The following CTNNA3 variants were observed in gnomAD, a reference collection of about 807,000 sequenced individuals.
CTNNA3 encodes catenin alpha 3, also known as catenin alpha-3.
In CTNNA3, 76 loss-of-function variants were observed where a neutral mutation model predicts 95.7. The ratio of observed to expected loss-of-function variants is 0.79; its 90% CI spans 0.66 to 0.96. CTNNA3 has a LOEUF of 0.96. Among genes scored for constraint, CTNNA3 ranks in the 40% least tolerant of loss-of-function variants. The pLI is 0.00. For missense variants in CTNNA3, 1,191 were observed against 1,089.8 expected (o/e 1.09, Z -1.31); for synonymous variants, 431 against 374.4 (o/e 1.15, Z -1.74).
intron 7 of CTNNA3, among the ~76,000 whole-genome samples, chr10:67,172,403 A>T (rs1862058233): frequency 6.6e-6 from 1 of 152,230 alleles, no homozygotes; most frequent in Non-Finnish European, 1.5e-5. Context: ...TAACACCAAT[A>T]GCATTTTAAT....
intron 12 of CTNNA3, among the ~76,000 whole-genome samples, chr10:66,370,736 G>A (rs1026311612): frequency 6.6e-6 from 1 of 151,970 alleles, no homozygotes; most frequent in Non-Finnish European, 1.5e-5. Context: ...GAGAGACAGG[G>A]TCTCACTCTG....
chr10:66,172,096 T>C (rs1362701428), intron 13 of CTNNA3, among the ~76,000 whole-genome samples: 3 of 152,136 alleles, frequency 2.0e-5, no homozygotes, highest in African/African-American at 7.2e-5. Flanking sequence ...TTTGTTGCCC[T>C]GAATTACATG....
chr10:66,471,376 C>T (rs1030300326), intron 11 of CTNNA3, among the ~76,000 whole-genome samples: 32 of 151,584 alleles, frequency 2.1e-4, no homozygotes, highest in African/African-American at 7.5e-4. Flanking sequence ...TTGCTCAAGA[C>T]TGTTTTGATT....
intron 13 of CTNNA3, among the ~76,000 whole-genome samples, chr10:66,167,493 C>T (rs1000081730): frequency 2.6e-5 from 4 of 151,948 alleles, no homozygotes; most frequent in Non-Finnish European, 5.9e-5. Context: ...TTTTGAAGTT[C>T]CTACTTAGAA....
At chr10:66,484,514 G>A (rs1171661211) in intron 11 of CTNNA3, among the ~76,000 whole-genome samples, 1 of 151,998 alleles carries the variant, frequency 6.6e-6, no homozygotes, top group East Asian at 1.9e-4. Context: ...AGTCCCTTCT[G>A]AGAAGCAATA....
At chr10:67,659,138 G>T (rs1001960028) in intron 1 of CTNNA3, among the ~76,000 whole-genome samples, 6 of 151,860 alleles carry the variant, frequency 4.0e-5, no homozygotes, top group Non-Finnish European at 2.9e-5. Context: ...TAACCAATAT[G>T]AAATATGAAA....
intron 5 of CTNNA3, among the ~76,000 whole-genome samples, chr10:67,412,897 C>T (rs921915161): frequency 1.3e-5 from 2 of 152,064 alleles, no homozygotes; most frequent in African/African-American, 2.4e-5. Context: ...CCTGCCACCA[C>T]AAATGCACAC....
chr10:67,738,890 GA>G (rs879264715), intron 1 of CTNNA3, among the ~76,000 whole-genome samples: 2 of 152,044 alleles, frequency 1.3e-5, no homozygotes, highest in African/African-American at 2.4e-5. Flanking sequence ...GAAGTTTAGA[GA>G]AAAAAGAATA....
intron 12 of CTNNA3, among the ~76,000 whole-genome samples, chr10:66,346,911 T>C (rs1031178609): frequency 1.3e-5 from 2 of 151,936 alleles, no homozygotes; most frequent in Non-Finnish European, 2.9e-5. Context: ...ATCTTGATTA[T>C]ACTTGGGACC....
At chr10:66,670,765 T>G (rs951067605) in intron 9 of CTNNA3, among the ~76,000 whole-genome samples, 2 of 152,208 alleles carry the variant, frequency 1.3e-5, no homozygotes, top group African/African-American at 4.8e-5. Flanking sequence ...TAACCAGGAA[T>G]GGGAATCTTG....
At chr10:67,441,262 G>A (rs2394376) in intron 5 of CTNNA3, among the ~76,000 whole-genome samples, 28 of 136,814 alleles carry the variant, frequency 2.0e-4, no homozygotes, top group African/African-American at 5.9e-4. Context: ...AGTGAGAGAA[G>A]ACAAAAAAAA....
chr10:66,922,598 C>T (rs1564768700), intron 7 of CTNNA3, among the ~76,000 whole-genome samples: 1 of 152,118 alleles, frequency 6.6e-6, no homozygotes, highest in African/African-American at 2.4e-5. Context: ...CTTAAGGGGT[C>T]GTGCCAAAGT....
At chr10:66,904,025 C>T (rs1270498174) in intron 7 of CTNNA3, among the ~76,000 whole-genome samples, 1 of 152,088 alleles carries the variant, frequency 6.6e-6, no homozygotes, top group African/African-American at 2.4e-5. Flanking sequence ...TTGGAAAAAA[C>T]TACTGTAAAG....
intron 1 of CTNNA3, among the ~76,000 whole-genome samples, chr10:67,721,592 T>C (rs1490546587): frequency 6.6e-6 from 1 of 152,200 alleles, no homozygotes; most frequent in Non-Finnish European, 1.5e-5. Context: ...TTCCTTGCAT[T>C]TGGTTAGAAC....
intron 5 of CTNNA3, among the ~76,000 whole-genome samples, chr10:67,442,062 A>G (rs1047906015): frequency 6.6e-6 from 1 of 152,220 alleles, no homozygotes; most frequent in Non-Finnish European, 1.5e-5. Context: ...ACCAAATGAT[A>G]AAAAGCAGGG....
chr10:67,677,542 T>C (rs1234857808), intron 1 of CTNNA3, among the ~76,000 whole-genome samples: 1 of 152,174 alleles, frequency 6.6e-6, no homozygotes, highest in Non-Finnish European at 1.5e-5. Flanking sequence ...CCCACCCATG[T>C]ATCCTCACAT....
intron 13 of CTNNA3, among the ~76,000 whole-genome samples, chr10:66,149,340 A>T (rs2084067704): frequency 6.6e-6 from 1 of 150,716 alleles, no homozygotes; most frequent in Admixed American, 6.6e-5. Flanking sequence ...AAGTCAACAT[A>T]TATAATTGCA....
intron 5 of CTNNA3, among the ~76,000 whole-genome samples, chr10:67,312,653 T>C (rs903218522): frequency 2.6e-5 from 4 of 152,220 alleles, no homozygotes; most frequent in African/African-American, 9.7e-5. Context: ...CGATAGCCAT[T>C]GATTCTGTGA....
chr10:67,341,118 G>A (rs909440383), intron 5 of CTNNA3, among the ~76,000 whole-genome samples: 2 of 152,032 alleles, frequency 1.3e-5, no homozygotes, highest in African/African-American at 4.8e-5. Flanking sequence ...TTTGATACAG[G>A]CATGGAAAGC....
Sources: allele counts gnomAD v4.1 joint callset (sites outside exome capture counted in the v4.1 genomes callset), GRCh38; gene constraint gnomAD v4.1.1; transcripts MANE v1.5; gene names NCBI Gene and HGNC (gene_info 2026-07-23, HGNC 2026-07-21).